SGCZ: variants seen among roughly 807,000 people sequenced by gnomAD.
SGCZ encodes the protein sarcoglycan zeta.
Under a neutral mutation model 41.3 loss-of-function variants are expected in SGCZ, and 40 were observed. The ratio of observed to expected loss-of-function variants is 0.97; its 90% CI spans 0.75 to 1.26. The LOEUF (loss-of-function observed/expected upper bound fraction) is 1.26, where lower values mean the gene tolerates loss of function less well. Ranked by LOEUF, SGCZ falls within the 50% of genes most tolerant of loss-of-function variation. The pLI is 0.00. For missense variants in SGCZ, 552 were observed against 369.8 expected (o/e 1.49, Z -4.04); for synonymous variants, 206 against 137.5 (o/e 1.50, Z -3.49).
chr8:14,997,589 A>T (rs1359079492), intron 1 of SGCZ, among the ~76,000 whole-genome samples: 1 of 152,228 alleles, frequency 6.6e-6, no homozygotes, highest in East Asian at 1.9e-4. Flanking sequence ...AATGATATTA[A>T]TCAAGAACAT....
chr8:14,266,327 A>G (rs1799864456), intron 3 of SGCZ, among the ~76,000 whole-genome samples: 1 of 152,162 alleles, frequency 6.6e-6, no homozygotes, highest in African/African-American at 2.4e-5. Context: ...TGGGTGAGAC[A>G]TTAATGAAAT....
intron 1 of SGCZ, among the ~76,000 whole-genome samples, chr8:14,622,344 G>T (rs1033754061): frequency 6.6e-6 from 1 of 152,070 alleles, no homozygotes; most frequent in Admixed American, 6.6e-5. Flanking sequence ...AGTTTCTTGG[G>T]GTCAGGACTA....
intron 2 of SGCZ, among the ~76,000 whole-genome samples, chr8:14,415,330 C>T (rs747730192): frequency 7.9e-5 from 12 of 151,828 alleles, no homozygotes; most frequent in Admixed American, 1.3e-4. Context: ...GAAATAAATG[C>T]AAATGTATTA....
chr8:14,132,748 G>C (rs1354516772), intron 5 of SGCZ, among the ~76,000 whole-genome samples: 1 of 152,066 alleles, frequency 6.6e-6, no homozygotes, highest in African/African-American at 2.4e-5. Flanking sequence ...TATGAATTGT[G>C]ACTTTCTGTT....
intron 1 of SGCZ, among the ~76,000 whole-genome samples, chr8:14,959,246 T>C (rs569896979): frequency 6.6e-6 from 1 of 152,278 alleles, no homozygotes; most frequent in African/African-American, 2.4e-5. Context: ...TAGATAATTA[T>C]ATCTATAGTG....
At chr8:14,434,767 T>C (rs2117348043) in intron 2 of SGCZ, among the ~76,000 whole-genome samples, 1 of 152,288 alleles carries the variant, frequency 6.6e-6, no homozygotes, top group African/African-American at 2.4e-5. Flanking sequence ...ATTCTCAGCT[T>C]GGTCACTGTT....
At chr8:15,230,726 AG>A (rs1389073334) in intron 1 of SGCZ, among the ~76,000 whole-genome samples, 4 of 152,192 alleles carry the variant, frequency 2.6e-5, no homozygotes, top group African/African-American at 9.7e-5. Context: ...AGTCAACTGC[AG>A]AGGCCAAAGG....
chr8:14,584,649 G>T (rs993880792), intron 1 of SGCZ, among the ~76,000 whole-genome samples: 1 of 151,852 alleles, frequency 6.6e-6, no homozygotes, highest in Non-Finnish European at 1.5e-5. Context: ...CGGTCTTCAG[G>T]GCCAAAAGCA....
intron 4 of SGCZ, among the ~76,000 whole-genome samples, chr8:14,208,347 C>T (rs944621538): frequency 8.5e-5 from 13 of 152,104 alleles, no homozygotes; most frequent in Admixed American, 7.9e-4. Context: ...AATCTGACAC[C>T]GTAAGACATT....
At chr8:14,479,051 T>C (rs67918892) in intron 2 of SGCZ, among the ~76,000 whole-genome samples, 19,935 of 152,132 alleles carry the variant, frequency 0.13, 1,788 homozygotes, top group African/African-American at 0.25. Context: ...ATTAAATGGA[T>C]AGAGGTACAT....
At chr8:15,217,057 A>T (rs1378297671) in intron 1 of SGCZ, among the ~76,000 whole-genome samples, 1 of 152,170 alleles carries the variant, frequency 6.6e-6, no homozygotes, top group Admixed American at 6.5e-5. Flanking sequence ...TTCTTAAAAA[A>T]AAAAAAATTG....
chr8:14,806,915 G>C (rs1319542378), intron 1 of SGCZ, among the ~76,000 whole-genome samples: 2 of 150,976 alleles, frequency 1.3e-5, no homozygotes, highest in East Asian at 2.0e-4. Flanking sequence ...TGGGATGCAA[G>C]GCTGGTTCAA....
intron 1 of SGCZ, among the ~76,000 whole-genome samples, chr8:14,972,294 T>A (rs1801324614): frequency 6.6e-6 from 1 of 152,190 alleles, no homozygotes; most frequent in Admixed American, 6.5e-5. Flanking sequence ...CTGGTACTGA[T>A]AATTTGTGTA....
At chr8:14,945,714 A>T (rs1285065166) in intron 1 of SGCZ, among the ~76,000 whole-genome samples, 1 of 151,736 alleles carries the variant, frequency 6.6e-6, no homozygotes. Context: ...GATAGGACAC[A>T]AAGGGGAATT....
intron 4 of SGCZ, among the ~76,000 whole-genome samples, chr8:14,191,020 C>G (rs1805085521): frequency 6.6e-6 from 1 of 152,150 alleles, no homozygotes; most frequent in African/African-American, 2.4e-5. Flanking sequence ...AATGACTCGT[C>G]TTTTTGATAT....
intron 1 of SGCZ, among the ~76,000 whole-genome samples, chr8:15,135,310 A>G (rs1808063590): frequency 6.6e-6 from 1 of 152,214 alleles, no homozygotes; most frequent in African/African-American, 2.4e-5. Flanking sequence ...AGTCAGAAAA[A>G]GCAGAGTTGC....
chr8:14,503,586 G>C (rs1802217976), intron 2 of SGCZ, among the ~76,000 whole-genome samples: 1 of 152,024 alleles, frequency 6.6e-6, no homozygotes, highest in African/African-American at 2.4e-5. Flanking sequence ...TGGCCAACAT[G>C]CTAAGTCCCA....
chr8:14,828,398 T>TGAACCAATTGAACCAATTTAGTCC (rs1802413226), intron 1 of SGCZ, among the ~76,000 whole-genome samples: 1 of 152,230 alleles, frequency 6.6e-6, no homozygotes, highest in African/African-American at 2.4e-5. Flanking sequence ...TGGTTCCACT[T>TGAACCAATTGAACCAATTTAGTCC]ACACCATTCG....
At chr8:15,200,105 T>C (rs754327419) in intron 1 of SGCZ, among the ~76,000 whole-genome samples, 11 of 152,232 alleles carry the variant, frequency 7.2e-5, no homozygotes, top group Non-Finnish European at 1.3e-4. Flanking sequence ...ACTGTAGAAA[T>C]TTGTATCTCT....
Sources: gnomAD v4.1 joint callset for allele counts (sites outside exome capture counted in the v4.1 genomes callset) on GRCh38, gnomAD v4.1.1 for gene constraint, MANE v1.5 for transcripts, NCBI Gene and HGNC (gene_info 2026-07-23, HGNC 2026-07-21) for gene names.